The following PHF21B variants were observed in gnomAD, a reference collection of about 807,000 sequenced individuals.
PHF21B encodes PHD finger protein 21B.
In PHF21B, 22 loss-of-function variants were observed where a neutral mutation model predicts 62.2. That is an observed-to-expected ratio of 0.35 (90% confidence interval 0.25 to 0.51). The LOEUF (loss-of-function observed/expected upper bound fraction) is 0.51, where lower values mean the gene tolerates loss of function less well. Ranked by LOEUF, PHF21B falls within the 20% of genes least tolerant of loss-of-function variation. The pLI is 0.97. For missense variants in PHF21B, 701 were observed against 707.9 expected, an observed-to-expected ratio of 0.99 and a Z score of 0.11; for synonymous variants, 341 against 314.7, an observed-to-expected ratio of 1.08 and a Z score of -0.88.
chr22:44,884,061 AC>A, intron 12 of PHF21B, among the ~76,000 whole-genome samples: 1 of 151,578 alleles, frequency 6.6e-6, no homozygotes, highest in African/African-American at 2.4e-5. Flanking sequence ...CACCATCACC[AC>A]CACCATGATC....
intron 3 of PHF21B, 73 bp downstream of exon 3, chr22:44,920,325 G>A: frequency 1.5e-6 from 2 of 1,295,666 alleles, no homozygotes; most frequent in Non-Finnish European, 2.1e-6. Context: ...AAACCTCAGT[G>A]CTGAGGGGTT....
At position 44,901,655 on chromosome 22, in the gene PHF21B, AG is replaced by A. The variant is rs2071161735; in HGVS notation, c.832-5573del. 4 of 505,684 alleles carry A rather than the reference AG, an allele frequency of 7.9e-6. No individual in the cohort carries two copies. The Admixed American group carries it at 1.4e-4, about 17-fold the overall frequency. 31.3% of individuals were successfully genotyped at this position (505,684 alleles called of 1,614,324 possible). Reference sequence around the variant, plus strand: ...GCCAAGAAGGCTGATGCTGGTGGCAAGGTGAAAAGGGGGAACCTCAAAGCTA... The same window carrying A: ...GCCAAGAAGGCTGATGCTGGTGGCAAGTGAAAAGGGGGAACCTCAAAGCTA... On this transcript the variant is annotated intron_variant, in intron 5 of 12. Transcript: ENST00000313237.
chr22:44,919,480 T>A lies in PHF21B; in HGVS notation c.213+918A>T, dbSNP rs146235226. On this transcript the variant is annotated intron_variant, in intron 3 of 12. Coordinates refer to ENST00000313237, the MANE Select transcript of PHF21B (RefSeq NM_138415.5). ...CAGGGAAACCAAAAGATTGGAAGAT[T>A]GGCCACCCCTGCTCTAGACTCTGAT... Among the ~76,000 whole-genome samples the A allele has an allele frequency of 4.3e-3, 655 of 152,344 alleles. 6 individuals carry two copies. Among genetic ancestry groups the A allele is most frequent in the African/African-American group, 0.014 (562 of 41,582 alleles).
intron 2 of PHF21B, among the ~76,000 whole-genome samples, chr22:44,960,134 C>T (rs1325085008): frequency 6.6e-6 from 1 of 152,152 alleles, no homozygotes; most frequent in African/African-American, 2.4e-5. Flanking sequence ...GCTAAGTAAA[C>T]ATCCGCCTGA....
chr22:44,973,730 G>GTA (rs1395013987), intron 2 of PHF21B, among the ~76,000 whole-genome samples: 1 of 151,956 alleles, frequency 6.6e-6, no homozygotes, highest in Non-Finnish European at 1.5e-5. Flanking sequence ...AGTACCCACT[G>GTA]TATTCCCAGC....
At chr22:44,989,639 T>C in intron 2 of PHF21B, 2 of 118,608 alleles carry the variant, frequency 1.7e-5, no homozygotes, top group Non-Finnish European at 3.2e-5. Context: ...GAGACGAGTC[T>C]CACTCTGTCA....
At chr22:44,996,777 T>C (rs2073129761) in intron 2 of PHF21B, among the ~76,000 whole-genome samples, 1 of 151,510 alleles carries the variant, frequency 6.6e-6, no homozygotes, top group Non-Finnish European at 1.5e-5. Flanking sequence ...CACACGTGCA[T>C]GCACAAGCAC....
At chr22:44,970,165 A>G (rs2072610084) in intron 2 of PHF21B, among the ~76,000 whole-genome samples, 1 of 152,250 alleles carries the variant, frequency 6.6e-6, no homozygotes. Context: ...CCTCGATCCC[A>G]GGCCAGTAAG....
intron 2 of PHF21B, among the ~76,000 whole-genome samples, chr22:44,972,382 AG>A (rs982137229): frequency 2.6e-5 from 4 of 152,188 alleles, no homozygotes; most frequent in African/African-American, 9.7e-5. Context: ...TTTTGTTAAG[AG>A]GGGAAAAAAC....
At chr22:44,993,557 G>T (rs1156597014) in intron 2 of PHF21B, among the ~76,000 whole-genome samples, 3 of 152,230 alleles carry the variant, frequency 2.0e-5, no homozygotes, top group Non-Finnish European at 4.4e-5. Context: ...CCCACACACG[G>T]CAACGTGCAG....
chr22:44,945,478 C>T (rs144941047), intron 2 of PHF21B, among the ~76,000 whole-genome samples: 2,070 of 152,274 alleles, frequency 0.014, 44 homozygotes, highest in African/African-American at 0.046. Flanking sequence ...GCAGAATCAC[C>T]TGCGCTTGAG....
At chr22:44,980,606 C>T (rs1019465967) in intron 2 of PHF21B, among the ~76,000 whole-genome samples, 1 of 152,208 alleles carries the variant, frequency 6.6e-6, no homozygotes, top group Admixed American at 6.5e-5. Context: ...CCACTGCCAT[C>T]AGAGGCAAAT....
chr22:44,996,955 G>A (rs1474409160), intron 2 of PHF21B, among the ~76,000 whole-genome samples: 6 of 152,002 alleles, frequency 3.9e-5, no homozygotes, highest in Non-Finnish European at 7.4e-5. Context: ...TCGCTTCCCC[G>A]TTCTACTTTT....
chr22:44,969,214 A>T (rs968349637), intron 2 of PHF21B: 2 of 152,218 alleles, frequency 1.3e-5, no homozygotes, highest in African/African-American at 4.8e-5. Flanking sequence ...CCCTAAAAGG[A>T]GGGGTGTTTT....
intron 5 of PHF21B, among the ~76,000 whole-genome samples, chr22:44,903,266 T>C (rs1429886844): frequency 1.3e-5 from 2 of 152,044 alleles, no homozygotes; most frequent in African/African-American, 2.4e-5. Flanking sequence ...CAAGATGGAC[T>C]TCTGATCTTC....
rs117105105 is a variant in PHF21B, at chr22:44,974,417, A to C, written c.120+34128T>G. ...CGACAGAGACCCTGTCTTAAAAAAA[A>C]AAAAAAAAATGCATATGCTTAAGGA... is the stretch of plus-strand genomic sequence containing the variant. On this transcript the variant is annotated intron_variant, in intron 2 of 12. Coordinates refer to ENST00000313237, the MANE Select transcript of PHF21B (RefSeq NM_138415.5). Among the ~76,000 whole-genome samples, 689 of 152,102 alleles carry C rather than the reference A, an allele frequency of 4.5e-3. 3 individuals carry two copies. Among genetic ancestry groups the C allele is most frequent in the Non-Finnish European group, 7.3e-3 (497 of 67,976 alleles).
rs550755424 is a variant in PHF21B, at chr22:44,960,895, C to T, written c.121-40405G>A. ...TACAGCATCGACTCTTCAGGGTCTC[C>T]AGCTTGCCCACTGCAGATCCTGGGA... On this transcript the variant is annotated intron_variant, in intron 2 of 12. Transcript: ENST00000313237. Among the ~76,000 whole-genome samples the T allele has an allele frequency of 1.3e-3, 193 of 151,736 alleles. 2 individuals carry two copies. The highest frequency in any genetic ancestry group is 4.5e-3 in the African/African-American group (186 of 41,376).
At chr22:44,940,932 G>A (rs1477634224) in intron 2 of PHF21B, among the ~76,000 whole-genome samples, 2 of 152,224 alleles carry the variant, frequency 1.3e-5, no homozygotes, top group African/African-American at 4.8e-5. Flanking sequence ...TCGTTTCATG[G>A]AATGTAATTT....
chr22:44,973,218 C>T (rs886657584), intron 2 of PHF21B, among the ~76,000 whole-genome samples: 8 of 152,076 alleles, frequency 5.3e-5, no homozygotes, highest in South Asian at 4.2e-4. Context: ...CTGGTCTCCA[C>T]CCTGTCCCCT....
Sources: gnomAD v4.1 joint callset for allele counts (sites outside exome capture counted in the v4.1 genomes callset) on GRCh38, gnomAD v4.1.1 for gene constraint, MANE v1.5 for transcripts, NCBI Gene and HGNC (gene_info 2026-07-23, HGNC 2026-07-21) for gene names.